PLEKHA6: variants seen among roughly 807,000 people sequenced by gnomAD.
PLEKHA6 encodes the protein pleckstrin homology domain-containing family A member 6.
A neutral mutation model predicts 116.7 loss-of-function variants in PLEKHA6; 60 were observed. That is an observed-to-expected ratio of 0.51 (90% CI 0.42 to 0.64). The LOEUF is 0.64. PLEKHA6 is among the 30% of genes least tolerant of loss of function. The pLI, the probability that PLEKHA6 is intolerant of heterozygous loss-of-function variation, is 0.00. For synonymous variants in PLEKHA6, 489 were observed against 556.1 expected (o/e 0.88, Z 1.70); for missense variants, 1,338 against 1,422.7 (o/e 0.94, Z 0.96).
At chr1:204,256,579 T>C (rs954260590) in intron 9 of PLEKHA6, among the ~76,000 whole-genome samples, 1 of 152,100 alleles carries the variant, frequency 6.6e-6, no homozygotes, top group Non-Finnish European at 1.5e-5. Flanking sequence ...TCATCCCTCC[T>C]CCACGGGCTG....
intron 1 of PLEKHA6, among the ~76,000 whole-genome samples, chr1:204,333,370 C>G (rs555114730): frequency 6.6e-6 from 1 of 152,310 alleles, no homozygotes; most frequent in African/African-American, 2.4e-5. Flanking sequence ...CTGTGGGCTG[C>G]AGAAACTTCC....
In PLEKHA6 at chr1:204,268,296, C is replaced by T. The variant is rs141886252; in HGVS notation, c.119G>A (p.Arg40His). The T allele has an allele frequency of 1.0e-5, 16 of 1,607,872 alleles. No individual in the cohort carries two copies. Among genetic ancestry groups the T allele is most frequent in the African/African-American group, 5.4e-5 (4 of 74,606 alleles). ...GCGCTTGCCAAAGGCGACGGCTTTG[C>T]GGGCTGTGCGAGTTGCCTGGGGGCA... ...RPSVRATRTA[R>H]KAVAFGKRSH... The change falls in exon 4 of 23, where the codon CGC becomes CAC. Residue 40 changes from arginine to histidine, a missense_variant. By Grantham distance (29) the Arg-to-His change is conservative. Coordinates refer to ENST00000272203, the MANE Select transcript of PLEKHA6 (RefSeq NM_014935.5).
chr1:204,286,678 G>A (rs1669211684), intron 1 of PLEKHA6, among the ~76,000 whole-genome samples: 1 of 152,142 alleles, frequency 6.6e-6, no homozygotes, highest in Non-Finnish European at 1.5e-5. Context: ...TGGGGCAACT[G>A]CACAGTTTGC....
chr1:204,315,884 A>T (rs551594962), intron 1 of PLEKHA6, among the ~76,000 whole-genome samples: 2 of 152,328 alleles, frequency 1.3e-5, no homozygotes, highest in African/African-American at 4.8e-5. Flanking sequence ...AGGGAGTCAC[A>T]TTAAGGAGAC....
At chr1:204,331,590 T>G (rs912929487) in intron 1 of PLEKHA6, among the ~76,000 whole-genome samples, 2 of 152,144 alleles carry the variant, frequency 1.3e-5, no homozygotes, top group African/African-American at 2.4e-5. Context: ...CGATGAATAT[T>G]CAGTTTTTAG....
intron 1 of PLEKHA6, among the ~76,000 whole-genome samples, chr1:204,337,320 C>T (rs904482474): frequency 6.6e-6 from 1 of 152,138 alleles, no homozygotes; most frequent in Non-Finnish European, 1.5e-5. Flanking sequence ...GGAAGGGAAT[C>T]AGGAAGCAAA....
intron 1 of PLEKHA6, among the ~76,000 whole-genome samples, chr1:204,294,627 G>T (rs1011398478): frequency 5.3e-5 from 8 of 152,088 alleles, no homozygotes; most frequent in Non-Finnish European, 1.5e-5. Context: ...AGTTGAATCC[G>T]CATTAGCCTT....
At chr1:204,286,958 T>C (rs115490868) in intron 1 of PLEKHA6, among the ~76,000 whole-genome samples, 3,255 of 152,260 alleles carry the variant, frequency 0.021, 116 homozygotes, top group African/African-American at 0.074. Context: ...TGTTTGCCCA[T>C]GGGCAGCCCA....
chr1:204,292,150 T>TACG (rs1669832437), intron 1 of PLEKHA6, among the ~76,000 whole-genome samples: 1 of 152,202 alleles, frequency 6.6e-6, no homozygotes, highest in South Asian at 2.1e-4. Flanking sequence ...CAGACCTGAA[T>TACG]ACGGTCTTCA....
intron 9 of PLEKHA6, among the ~76,000 whole-genome samples, chr1:204,254,287 G>A (rs968771719): frequency 3.3e-5 from 5 of 152,238 alleles, no homozygotes; most frequent in African/African-American, 1.2e-4. Flanking sequence ...AGGGCCAGGA[G>A]CCATCCCTGT....
chr1:204,254,367 C>CA (rs1341559943), intron 9 of PLEKHA6, among the ~76,000 whole-genome samples: 1 of 152,200 alleles, frequency 6.6e-6, no homozygotes. Flanking sequence ...GCGACACCGA[C>CA]ATGAAGCCCT....
chr1:204,323,638 T>C (rs1672142254), intron 1 of PLEKHA6, among the ~76,000 whole-genome samples: 1 of 152,248 alleles, frequency 6.6e-6, no homozygotes, highest in South Asian at 2.1e-4. Flanking sequence ...GTTGTACTTG[T>C]ATTCCTGGTG....
chr1:204,230,666 C>A, intron 17 of PLEKHA6, 80 bp from the exon 18 acceptor site: 1 of 1,247,190 alleles, frequency 8.0e-7, no homozygotes. Context: ...TTAACATTTA[C>A]CTTCTACGGG....
At chr1:204,247,020 C>T (rs1254274238) in intron 13 of PLEKHA6, among the ~76,000 whole-genome samples, 2 of 152,102 alleles carry the variant, frequency 1.3e-5, no homozygotes, top group African/African-American at 4.8e-5. Context: ...ACTGTGGTCC[C>T]AGCTACTCAG....
chr1:204,333,719 A>G (rs1293051091), intron 1 of PLEKHA6, among the ~76,000 whole-genome samples: 1 of 152,168 alleles, frequency 6.6e-6, no homozygotes, highest in Non-Finnish European at 1.5e-5. Context: ...GGAAGGGGGA[A>G]TCCTGCAGCC....
chr1:204,327,140 A>T, intron 1 of PLEKHA6: 1 of 312,202 alleles, frequency 3.2e-6, no homozygotes, highest in Non-Finnish European at 4.7e-6. Flanking sequence ...CAGCAAAAGA[A>T]GTAGCTCAAG....
At chr1:204,234,736 C>T (rs1421968848) in intron 17 of PLEKHA6, among the ~76,000 whole-genome samples, 1 of 151,564 alleles carries the variant, frequency 6.6e-6, no homozygotes, top group African/African-American at 2.4e-5. Context: ...TAATCAGCTG[C>T]CAGTGAATAT....
chr1:204,273,641 C>T lies in PLEKHA6; in HGVS notation c.87G>A (p.Glu29=). 6.2e-7 allele frequency: 1 copy of T among 1,613,998 alleles called. No homozygotes were observed. The highest frequency in any genetic ancestry group is 1.1e-5 in the South Asian group (1 of 91,074). The change falls in exon 3 of 23, where the codon GAG becomes GAA. Residue 29 remains glutamate (E), a synonymous_variant. Transcript: ENST00000272203. ...CTGGACTTACCCGGACGCTGGGCCG[C>T]TCTGGAGGGACCTCGGACACCATGT... is the stretch of plus-strand genomic sequence containing the variant. The part of the protein sequence containing the change: ...NHNMVSEVPP[E]RPSVRATRTA...
rs193283770 is a variant in PLEKHA6, at chr1:204,219,694, G to A, written c.*3094C>T. ...TCCCAAGCCCTTGATTTCAGACCTAGACAAAGACTTCCATCCTGCCCAAAT... is the reference window on the plus strand; with the variant it reads ...TCCCAAGCCCTTGATTTCAGACCTAAACAAAGACTTCCATCCTGCCCAAAT... On this transcript the variant is annotated 3_prime_UTR_variant, in exon 23 of 23. Transcript: ENST00000272203. The A allele has an allele frequency of 6.6e-6, 1 of 152,368 alleles. No individual in the cohort carries two copies. Among genetic ancestry groups the A allele is most frequent in the East Asian group, 1.9e-4 (1 of 5,184 alleles). 9.4% of individuals were successfully genotyped at this position (152,368 alleles called of 1,614,324 possible).
Sources: gnomAD v4.1 joint callset for allele counts (sites outside exome capture counted in the v4.1 genomes callset) on GRCh38, gnomAD v4.1.1 for gene constraint, MANE v1.5 for transcripts, NCBI Gene and HGNC (gene_info 2026-07-23, HGNC 2026-07-21) for gene names.